PRC1: variants seen among roughly 807,000 people sequenced by gnomAD.
PRC1 encodes the protein anaphase spindle elongation 1 homolog.
A neutral mutation model predicts 91.2 loss-of-function variants in PRC1; 54 were observed. The ratio of observed to expected loss-of-function variants is 0.59; its 90% CI spans 0.48 to 0.74. The LOEUF (loss-of-function observed/expected upper bound fraction) is 0.74, where lower values mean the gene tolerates loss of function less well. PRC1 is among the 30% of genes least tolerant of loss of function. PRC1 has a pLI of 0.00. For missense variants in PRC1, 727 were observed against 746.2 expected, an observed-to-expected ratio of 0.97 and a Z score of 0.30; for synonymous variants, 275 against 263.6, an observed-to-expected ratio of 1.04 and a Z score of -0.42.
intron 8 of PRC1, 80 bp from the exon 9 acceptor site, chr15:90,976,851 C>G (rs2038746025): frequency 1.6e-6 from 2 of 1,255,728 alleles, no homozygotes; most frequent in Non-Finnish European, 2.3e-6. Context: ...TTTGTTCTCG[C>G]CAGGCGTGGT....
In PRC1 at chr15:90,966,254, G is replaced by C. The variant is rs1034247325; in HGVS notation, c.*877C>G. The stretch of plus-strand genomic sequence containing the variant: ...GTGCTTCAAGAAGAGTAGTGATTGA[G>C]AGGATAGGTAAAGAGGGCGCCTCAT... On this transcript the variant is annotated 3_prime_UTR_variant, in exon 15 of 15. Coordinates refer to ENST00000394249, the MANE Select transcript of PRC1 (RefSeq NM_003981.4). 1 of 216,100 alleles carries C rather than the reference G, an allele frequency of 4.6e-6. No individual in the cohort carries two copies. 13.4% of individuals were successfully genotyped at this position (216,100 alleles called of 1,614,324 possible).
intron 1 of PRC1, among the ~76,000 whole-genome samples, chr15:90,994,049 C>A (rs2040143113): frequency 6.6e-6 from 1 of 152,144 alleles, no homozygotes; most frequent in African/African-American, 2.4e-5. Context: ...ACGCTGCGGG[C>A]GGGGAGGGTG....
chr15:90,969,501 G>T lies in PRC1; in HGVS notation c.1695C>A (p.Pro565=). ...ILSGGYPGSA[P]LQRNFSINSV... ...AATTAATGCTGAAGTTGCGCTGGAGGGGGGCCGAGCCAGGGTACCCACCAC... is the reference window on the plus strand; with the variant it reads ...AATTAATGCTGAAGTTGCGCTGGAGTGGGGCCGAGCCAGGGTACCCACCAC... The change falls in exon 13 of 15, where the codon CCC becomes CCA. Residue 565 remains proline, a synonymous_variant. Transcript: ENST00000394249. 1 of 1,612,790 alleles carries T rather than the reference G, an allele frequency of 6.2e-7. No individual in the cohort carries two copies. The highest frequency in any genetic ancestry group is 8.5e-7 in the Non-Finnish European group (1 of 1,179,286).
At position 90,984,632 on chromosome 15, in the gene PRC1, C is replaced by A. The variant is rs541381489; in HGVS notation, c.144+61G>T. ...CACATGTCCCTTCTGTATGCTATCT[C>A]GGGTGAGACACCAACATCCTTACCC... On this transcript the variant is annotated intron_variant, in intron 2 of 14. Transcript: ENST00000394249. The surrounding 1 kb of genome is among the most constrained non-coding windows in gnomAD (Gnocchi z 5.1). The A allele has an allele frequency of 6.3e-7, 1 of 1,593,500 alleles. No homozygotes were observed. Among genetic ancestry groups the A allele is most frequent in the Non-Finnish European group, 8.6e-7 (1 of 1,166,294 alleles).
At chr15:90,985,279 G>T (rs541732774) in intron 1 of PRC1, among the ~76,000 whole-genome samples, 1 of 150,890 alleles carries the variant, frequency 6.6e-6, no homozygotes, top group East Asian at 1.9e-4. Flanking sequence ...CGCCCAGGCT[G>T]GAGTGCAGTG....
chr15:90,974,271 T>C lies in PRC1; in HGVS notation c.1351-25A>G. On this transcript the variant is annotated intron_variant, in intron 10 of 14. Transcript: ENST00000394249. The surrounding 1 kb of genome is among the most constrained non-coding windows in gnomAD (Gnocchi z 4.6). ...GCTGTGTGAAAGTCAGAAGCAACAG[T>C]GATAAATCTCAGGAAGAGAGCGGGT... is the stretch of plus-strand genomic sequence containing the variant. 1 of 1,579,938 alleles carries C rather than the reference T, an allele frequency of 6.3e-7. No individual in the cohort carries two copies. Among genetic ancestry groups the C allele is most frequent in the Non-Finnish European group, 8.7e-7 (1 of 1,149,166 alleles).
chr15:90,969,138 A>C lies in PRC1; in HGVS notation c.1750-18T>G, dbSNP rs1289535455. The C allele has an allele frequency of 6.2e-7, 1 of 1,606,304 alleles. No homozygotes were observed. The highest frequency in any genetic ancestry group is 8.5e-7 in the Non-Finnish European group (1 of 1,172,976). ...GGATCCTTCTAAGAACAAAGAATTA[A>C]GACAATTACCAAGAACTCCACCAAG... is the stretch of plus-strand genomic sequence containing the variant. On this transcript the variant is annotated intron_variant, in intron 13 of 14. Coordinates refer to ENST00000394249, the MANE Select transcript of PRC1 (RefSeq NM_003981.4).
At chr15:90,982,983 A>G (rs538054392) in intron 3 of PRC1, among the ~76,000 whole-genome samples, 7 of 152,316 alleles carry the variant, frequency 4.6e-5, no homozygotes, top group East Asian at 1.9e-4. Context: ...TGTCCTATAC[A>G]TTTACACAAT....
At position 90,969,096 on chromosome 15, in the gene PRC1, A is replaced by G; in HGVS notation, c.1774T>C (p.Ser592Pro). 1 of 1,614,026 alleles carries G rather than the reference A, an allele frequency of 6.2e-7. No homozygotes were observed. The highest frequency in any genetic ancestry group is 8.5e-7 in the Non-Finnish European group (1 of 1,179,900). Reference protein sequence around the residue: ...FAKDPSLSDSSTVGLQRELSK... With the variant: ...FAKDPSLSDSPTVGLQRELSK... ...ATACAGACCTGAAGCCCAACAGTGG[A>G]ACTGTCAGAGAGGGACGGATCCTTC... The change falls in exon 14 of 15, where the codon TCC becomes CCC. Residue 592 changes from serine to proline, a missense_variant. Coordinates refer to ENST00000394249, the MANE Select transcript of PRC1 (RefSeq NM_003981.4).
chr15:90,983,271 C>A (rs1227433519), intron 3 of PRC1, among the ~76,000 whole-genome samples: 1 of 152,190 alleles, frequency 6.6e-6, no homozygotes, highest in Non-Finnish European at 1.5e-5. Context: ...GGCAGGTCTT[C>A]CTGTAACAGG....
rs2038483619 is a variant in PRC1 at position 90,974,450 on chromosome 15, G to A, written c.1350+135C>T. The A allele has an allele frequency of 5.2e-6, 7 of 1,344,638 alleles. No individual in the cohort carries two copies. Among genetic ancestry groups the A allele is most frequent in the Non-Finnish European group, 6.1e-6 (6 of 981,172 alleles). 83.3% of individuals were successfully genotyped at this position (1,344,638 alleles called of 1,614,324 possible). ...CCCGGCTCCCCGTTCCACAAGCCCC[G>A]GTCCCCGGCTTCCCGTTCCACAAGC... On this transcript the variant is annotated intron_variant, in intron 10 of 14. Transcript: ENST00000394249. The surrounding 1 kb of genome is among the most constrained non-coding windows in gnomAD (Gnocchi z 4.6).
At chr15:90,987,288 A>C (rs2039654906) in intron 1 of PRC1, among the ~76,000 whole-genome samples, 1 of 151,952 alleles carries the variant, frequency 6.6e-6, no homozygotes, top group South Asian at 2.1e-4. Context: ...AAAAAGCAAA[A>C]ACAAAACCAG....
chr15:90,967,341 A>T, intron 14 of PRC1, 139 bp from the exon 15 acceptor site: 1 of 670,408 alleles, frequency 1.5e-6, no homozygotes, highest in Non-Finnish European at 2.6e-6. Flanking sequence ...AGGCTGCGTT[A>T]GGAGTAAAAG....
chr15:90,978,215 G>A (rs527791342), intron 8 of PRC1, among the ~76,000 whole-genome samples: 37 of 152,350 alleles, frequency 2.4e-4, no homozygotes, highest in Non-Finnish European at 4.4e-4. Context: ...CAATACCCAT[G>A]CAATATTCTA....
chr15:90,993,070 CAAAAAAAAAAAA>C (rs67427806), intron 1 of PRC1, among the ~76,000 whole-genome samples: 24 of 30,944 alleles, frequency 7.8e-4, no homozygotes, highest in African/African-American at 2.2e-3. Flanking sequence ...GACCCCGTCT[CAAAAAAAAAAAA>C]AAAAAAAAAA....
chr15:90,983,978 C>T (rs772589593), intron 3 of PRC1, 40 bp downstream of exon 3: 38 of 1,609,386 alleles, frequency 2.4e-5, no homozygotes, highest in Non-Finnish European at 2.5e-6. Context: ...AGTCTCAGGC[C>T]CCAGACAGAT....
chr15:90,990,607 G>C (rs1031993908), intron 1 of PRC1, among the ~76,000 whole-genome samples: 2 of 151,564 alleles, frequency 1.3e-5, no homozygotes, highest in East Asian at 1.9e-4. Flanking sequence ...GATTTTAAAG[G>C]GGTGATAAAA....
In PRC1 at chr15:90,974,872, G is replaced by T; in HGVS notation, c.1204-141C>A. 1.1e-6 allele frequency: 1 copy of T among 944,780 alleles called. No individual in the cohort carries two copies. The highest frequency in any genetic ancestry group is 1.6e-6 in the Non-Finnish European group (1 of 618,000). The allele number at this position is 944,780 out of a possible 1,614,324, so 58.5% of individuals were successfully genotyped here. On this transcript the variant is annotated intron_variant, in intron 9 of 14. Coordinates refer to ENST00000394249, the MANE Select transcript of PRC1 (RefSeq NM_003981.4). The surrounding 1 kb of genome is among the most constrained non-coding windows in gnomAD (Gnocchi z 4.6). Reference sequence around the variant, plus strand: ...AGGTAGCTGGGCCCACATGGGTACAGGTCAGAGTGACCAGAAATCAAAGCC... The same window carrying T: ...AGGTAGCTGGGCCCACATGGGTACATGTCAGAGTGACCAGAAATCAAAGCC...
rs138246106 is a variant in PRC1 at position 90,974,771 on chromosome 15, T to C, written c.1204-40A>G. ...AAGGACATGTTAATTACTTCAACTC[T>C]TTAGTGCAAAGCCCAAATGAAATGA... is the stretch of plus-strand genomic sequence containing the variant. On this transcript the variant is annotated intron_variant, in intron 9 of 14. Transcript: ENST00000394249. The surrounding 1 kb of genome is among the most constrained non-coding windows in gnomAD (Gnocchi z 4.6). 137 of 1,609,736 alleles carry C rather than the reference T, an allele frequency of 8.5e-5. 1 individual carries two copies. In the African/African-American group the frequency reaches 1.6e-3, roughly 19 times the overall value.
Sources: allele counts gnomAD v4.1 joint callset (sites outside exome capture counted in the v4.1 genomes callset), GRCh38; gene constraint gnomAD v4.1.1; non-coding constraint Gnocchi (gnomAD v3.1); transcripts MANE v1.5; gene names NCBI Gene and HGNC (gene_info 2026-07-23, HGNC 2026-07-21).